The following SCAI variants were observed in gnomAD, a reference collection of about 807,000 sequenced individuals.
The protein encoded by SCAI is protein SCAI.
In SCAI, 24 loss-of-function variants were observed where a neutral mutation model predicts 92.2. The observed-to-expected ratio is 0.26, with a 90% CI of 0.19 to 0.37. The LOEUF (loss-of-function observed/expected upper bound fraction) is 0.37. SCAI is among the 10% of genes least tolerant of loss of function. SCAI has a pLI of 1.00. For missense variants in SCAI, 450 were observed against 736.2 expected, an observed-to-expected ratio of 0.61 and a Z score of 4.50; for synonymous variants, 261 against 258.6, an observed-to-expected ratio of 1.01 and a Z score of -0.09.
intron 2 of SCAI, among the ~76,000 whole-genome samples, chr9:125,125,887 C>T (rs1161219029): frequency 6.8e-6 from 1 of 147,150 alleles, no homozygotes; most frequent in Non-Finnish European, 1.5e-5. Context: ...TATTCTCTCT[C>T]TCATGCATGC....
At chr9:125,040,451 A>C (rs990787737) in intron 3 of SCAI, among the ~76,000 whole-genome samples, 1 of 152,228 alleles carries the variant, frequency 6.6e-6, no homozygotes, top group African/African-American at 2.4e-5. Context: ...CAATGGGATA[A>C]AACTACATAT....
intron 13 of SCAI, among the ~76,000 whole-genome samples, chr9:124,996,795 A>C (rs945200103): frequency 2.0e-5 from 3 of 151,746 alleles, no homozygotes; most frequent in Non-Finnish European, 2.9e-5. Context: ...ACACCCGGCT[A>C]ATTTTTTGTA....
At chr9:125,116,120 G>A (rs1835041813) in intron 2 of SCAI, among the ~76,000 whole-genome samples, 2 of 152,140 alleles carry the variant, frequency 1.3e-5, no homozygotes, top group Non-Finnish European at 2.9e-5. Context: ...GGGAGGCGGA[G>A]GTTGCAGTGA....
At position 125,143,450 on chromosome 9, in the gene SCAI, C is replaced by G. The variant is rs1036490551; in HGVS notation, c.-13G>C. On this transcript the variant is annotated 5_prime_UTR_variant, in exon 1 of 18. Coordinates refer to ENST00000336505, the MANE Select transcript of SCAI (RefSeq NM_001144877.3). ...CTCCTCTGACCATCCGGCTCCTGCTCCGCCGCGGGAGCTGCTCCGGCGGCC... is the reference window on the plus strand; with the variant it reads ...CTCCTCTGACCATCCGGCTCCTGCTGCGCCGCGGGAGCTGCTCCGGCGGCC... 247 of 1,355,398 alleles carry G rather than the reference C, an allele frequency of 1.8e-4. No homozygotes were observed. Among genetic ancestry groups the G allele is most frequent in the Non-Finnish European group, 2.3e-4 (240 of 1,051,644 alleles). The allele number at this position is 1,355,398 out of a possible 1,614,324, so 84.0% of individuals were successfully genotyped here. A position where few individuals can be genotyped will look rare whatever the true frequency, so the allele number is the denominator to read the frequency against.
At chr9:125,141,037 T>A (rs1282742063) in intron 2 of SCAI, among the ~76,000 whole-genome samples, 1 of 152,208 alleles carries the variant, frequency 6.6e-6, no homozygotes, top group Non-Finnish European at 1.5e-5. Flanking sequence ...ATTTGATATA[T>A]ACTTAGATTT....
intron 2 of SCAI, among the ~76,000 whole-genome samples, chr9:125,130,657 C>A (rs1367728290): frequency 2.0e-5 from 3 of 151,680 alleles, no homozygotes; most frequent in Non-Finnish European, 4.4e-5. Flanking sequence ...AGGACTACAG[C>A]TGCACACCAC....
chr9:125,112,476 T>C (rs577970546), intron 2 of SCAI, among the ~76,000 whole-genome samples: 2 of 152,338 alleles, frequency 1.3e-5, no homozygotes, highest in East Asian at 3.9e-4. Flanking sequence ...ACCGGCCAGA[T>C]AATAAATATT....
At chr9:125,052,536 A>C (rs1392074746) in intron 3 of SCAI, among the ~76,000 whole-genome samples, 1 of 152,104 alleles carries the variant, frequency 6.6e-6, no homozygotes, top group African/African-American at 2.4e-5. Flanking sequence ...AGGCAGGAGA[A>C]TCACTTGAAC....
intron 5 of SCAI, 92 bp from the exon 6 acceptor site, chr9:125,027,002 G>C (rs1832977283): frequency 3.2e-6 from 2 of 616,562 alleles, no homozygotes. Context: ...ATTCCTCTGT[G>C]GCACGGGGTG....
chr9:125,079,246 G>C (rs1834156947), intron 2 of SCAI, among the ~76,000 whole-genome samples: 2 of 152,116 alleles, frequency 1.3e-5, no homozygotes, highest in Admixed American at 1.3e-4. Flanking sequence ...CTCCCAGAGT[G>C]CCTCCCCCCA....
intron 2 of SCAI, among the ~76,000 whole-genome samples, chr9:125,136,295 G>A (rs918228513): frequency 6.6e-6 from 1 of 151,518 alleles, no homozygotes; most frequent in African/African-American, 2.4e-5. Context: ...ATTTTTGGTA[G>A]AGATGAGGTT....
intron 2 of SCAI, among the ~76,000 whole-genome samples, chr9:125,138,534 C>T (rs1001322383): frequency 6.6e-6 from 1 of 152,112 alleles, no homozygotes; most frequent in East Asian, 1.9e-4. Flanking sequence ...CCTGCCTCAG[C>T]CTCCTGAGTA....
intron 2 of SCAI, among the ~76,000 whole-genome samples, chr9:125,124,111 T>C (rs1835213344): frequency 6.6e-6 from 1 of 152,162 alleles, no homozygotes; most frequent in African/African-American, 2.4e-5. Flanking sequence ...ACTGCGTCAA[T>C]GCAGAGAATT....
At chr9:125,120,700 C>T (rs1349100156) in intron 2 of SCAI, among the ~76,000 whole-genome samples, 1 of 151,856 alleles carries the variant, frequency 6.6e-6, no homozygotes, top group Non-Finnish European at 1.5e-5. Flanking sequence ...CTCAAACAAA[C>T]AAACAAATAA....
chr9:125,017,871 G>A (rs1217258501), intron 9 of SCAI, among the ~76,000 whole-genome samples: 2 of 151,758 alleles, frequency 1.3e-5, no homozygotes, highest in African/African-American at 4.8e-5. Flanking sequence ...GCCGGGTGTG[G>A]TGGTATGTGC....
intron 9 of SCAI, among the ~76,000 whole-genome samples, chr9:125,011,646 G>T (rs951735047): frequency 1.3e-5 from 2 of 152,170 alleles, no homozygotes; most frequent in African/African-American, 4.8e-5. Context: ...AATCTAGCAA[G>T]GCAGGCCAAC....
chr9:125,142,802 T>A, intron 1 of SCAI, 125 bp from the exon 2 acceptor site: 1 of 777,464 alleles, frequency 1.3e-6, no homozygotes, highest in Non-Finnish European at 2.2e-6. Context: ...CAAGCCCAGA[T>A]CTGACCTTAC....
chr9:125,046,353 G>GTA (rs1554784654), intron 3 of SCAI, among the ~76,000 whole-genome samples: 5 of 110,378 alleles, frequency 4.5e-5, no homozygotes, highest in African/African-American at 1.0e-4. Context: ...GTGTGTGTGT[G>GTA]TATATATATA....
intron 2 of SCAI, among the ~76,000 whole-genome samples, chr9:125,083,863 G>A (rs890043090): frequency 3.0e-4 from 46 of 152,166 alleles, no homozygotes; most frequent in African/African-American, 1.0e-3. Flanking sequence ...ATTCCAAGTG[G>A]TAAGAAGTAC....
Sources: gnomAD v4.1 joint callset for allele counts (sites outside exome capture counted in the v4.1 genomes callset) on GRCh38, gnomAD v4.1.1 for gene constraint, MANE v1.5 for transcripts, NCBI Gene and HGNC (gene_info 2026-07-23, HGNC 2026-07-21) for gene names.